The following ROBO1 variants were observed in gnomAD, a reference collection of about 807,000 sequenced individuals.
ROBO1 encodes the protein roundabout guidance receptor 1.
A neutral mutation model predicts 195.9 loss-of-function variants in ROBO1; 149 were observed. The ratio of observed to expected loss-of-function variants is 0.76; its 90% CI spans 0.67 to 0.87. The LOEUF is 0.87. ROBO1 is among the 40% of genes least tolerant of loss of function. The pLI is 0.00. For missense variants in ROBO1, 1,933 were observed against 2,068.3 expected, an observed-to-expected ratio of 0.93 and a Z score of 1.27; for synonymous variants, 816 against 733.2, an observed-to-expected ratio of 1.11 and a Z score of -1.82.
At position 78,717,762 on chromosome 3, in the gene ROBO1, C is replaced by T. The variant is rs1243462818; in HGVS notation, c.778+1G>A. 1.9e-6 allele frequency: 3 copies of T among 1,612,732 alleles called. No individual in the cohort carries two copies. The highest frequency in any genetic ancestry group is 1.3e-5 in the African/African-American group (1 of 74,826). ...AGAAGATTAAATAAAATTACACTTA[C>T]CTAAGACAGTCAGCTCGGCTACTTC... On this transcript the variant is annotated splice_donor_variant, in intron 6 of 30. Coordinates refer to ENST00000464233, the MANE Select transcript of ROBO1 (RefSeq NM_002941.4). LOFTEE classifies it high-confidence loss of function.
At chr3:78,994,534 T>C (rs973269491) in intron 3 of ROBO1, among the ~76,000 whole-genome samples, 7 of 152,170 alleles carry the variant, frequency 4.6e-5, no homozygotes, top group African/African-American at 1.4e-4. Flanking sequence ...ATCTCAGCAA[T>C]GTGAAACACG....
chr3:79,229,925 C>T (rs752538021), intron 2 of ROBO1, among the ~76,000 whole-genome samples: 5 of 152,016 alleles, frequency 3.3e-5, no homozygotes, highest in African/African-American at 9.7e-5. Context: ...AAAAAGTATA[C>T]CTTTGTCATA....
chr3:79,580,090 T>G (rs2107784966), intron 2 of ROBO1, among the ~76,000 whole-genome samples: 1 of 152,216 alleles, frequency 6.6e-6, no homozygotes, highest in East Asian at 1.9e-4. Context: ...TACAAGGAAT[T>G]CAGTCATTTG....
At chr3:78,836,726 A>G (rs1386919540) in intron 4 of ROBO1, among the ~76,000 whole-genome samples, 2 of 152,172 alleles carry the variant, frequency 1.3e-5, no homozygotes, top group South Asian at 4.1e-4. Context: ...AAAACATCAT[A>G]GTCTTCTAAA....
intron 2 of ROBO1, among the ~76,000 whole-genome samples, chr3:79,417,031 G>T (rs1394548504): frequency 2.0e-5 from 3 of 151,984 alleles, no homozygotes; most frequent in Admixed American, 2.0e-4. Flanking sequence ...TAAATACCTA[G>T]GTAAAAAAAT....
intron 2 of ROBO1, among the ~76,000 whole-genome samples, chr3:79,281,708 T>A (rs1255334252): frequency 6.6e-6 from 1 of 152,198 alleles, no homozygotes; most frequent in East Asian, 1.9e-4. Flanking sequence ...TTATTCAACT[T>A]TCCACAGTTG....
intron 1 of ROBO1, among the ~76,000 whole-genome samples, chr3:79,601,231 A>G (rs966208533): frequency 6.6e-6 from 1 of 152,022 alleles, no homozygotes; most frequent in Admixed American, 6.6e-5. Flanking sequence ...AGAGGCAGGA[A>G]GGAAAGAATC....
At chr3:79,159,915 T>C (rs2080925309) in intron 2 of ROBO1, among the ~76,000 whole-genome samples, 1 of 152,044 alleles carries the variant, frequency 6.6e-6, no homozygotes, top group Non-Finnish European at 1.5e-5. Flanking sequence ...AAACTGCTTC[T>C]TGTTGTACTT....
intron 3 of ROBO1, among the ~76,000 whole-genome samples, chr3:78,964,376 TG>T (rs2107860883): frequency 6.6e-6 from 1 of 152,142 alleles, no homozygotes; most frequent in African/African-American, 2.4e-5. Flanking sequence ...GTGTCTCAAA[TG>T]GGGTGTACAG....
At chr3:79,276,254 G>C (rs1293067223) in intron 2 of ROBO1, among the ~76,000 whole-genome samples, 1 of 151,944 alleles carries the variant, frequency 6.6e-6, no homozygotes, top group African/African-American at 2.4e-5. Context: ...AAAACAGCAT[G>C]TTACAGGCAT....
rs1575769423 is a variant in ROBO1 at position 78,610,020 on chromosome 3, A to T, written c.4436-2979T>A. Among the ~76,000 whole-genome samples, 3 of 152,272 alleles carry T rather than the reference A, an allele frequency of 2.0e-5. No individual in the cohort carries two copies. The Middle Eastern group carries it at 0.01, about 518-fold the overall frequency. Reference sequence around the variant, plus strand: ...GTACCTACCAGCTGTTTTACTTAGGAATGATTATAAGAAGTGATCACACTT... The same window carrying T: ...GTACCTACCAGCTGTTTTACTTAGGTATGATTATAAGAAGTGATCACACTT... On this transcript the variant is annotated intron_variant, in intron 28 of 30. Transcript: ENST00000464233.
intron 14 of ROBO1, among the ~76,000 whole-genome samples, chr3:78,665,754 A>G (rs1322475199): frequency 6.6e-6 from 1 of 152,138 alleles, no homozygotes; most frequent in Non-Finnish European, 1.5e-5. Flanking sequence ...TTTATAGGTG[A>G]GGAAACTCAG....
At chr3:79,117,248 T>C (rs1194164745) in intron 3 of ROBO1, among the ~76,000 whole-genome samples, 1 of 152,082 alleles carries the variant, frequency 6.6e-6, no homozygotes, top group African/African-American at 2.4e-5. Context: ...CACGCACCTG[T>C]AGTCCCAGCT....
At chr3:79,089,617 T>G (rs1011457072) in intron 3 of ROBO1, among the ~76,000 whole-genome samples, 1 of 152,150 alleles carries the variant, frequency 6.6e-6, no homozygotes, top group Non-Finnish European at 1.5e-5. Context: ...TCAGCCTGTT[T>G]ACCTAAAAAT....
intron 4 of ROBO1, among the ~76,000 whole-genome samples, chr3:78,909,261 C>G (rs2038105458): frequency 6.6e-6 from 1 of 151,536 alleles, no homozygotes; most frequent in Admixed American, 6.6e-5. Flanking sequence ...AAAAAATTCA[C>G]ATTAAATTTA....
At position 79,672,657 on chromosome 3, in the gene ROBO1, G is replaced by A. The variant is rs151075410; in HGVS notation, c.-50-82696C>T. 6.8e-4 allele frequency among the ~76,000 whole-genome samples: 104 copies of A among 151,872 alleles called. 1 individual carries two copies. In the East Asian group the frequency reaches 9.4e-3, roughly 14 times the overall value. On this transcript the variant is annotated intron_variant, in intron 1 of 30. Transcript: ENST00000464233. ...AGGATGCATTTTATTAATAGTTTCC[G>A]TAGTTGTTGGCTGTTGTATCTTTCA...
intron 1 of ROBO1, among the ~76,000 whole-genome samples, chr3:79,760,995 A>G (rs1276105678): frequency 6.6e-6 from 1 of 150,490 alleles, no homozygotes; most frequent in Non-Finnish European, 1.5e-5. Flanking sequence ...AAAAATACCT[A>G]TAAATGAGAG....
At chr3:79,032,112 A>G (rs373974227) in intron 3 of ROBO1, among the ~76,000 whole-genome samples, 156 of 151,772 alleles carry the variant, frequency 1.0e-3, no homozygotes, top group East Asian at 3.5e-3. Context: ...AAGGCTTAAG[A>G]GAGGGAAACA....
chr3:78,669,516 A>G (rs1033697338), intron 11 of ROBO1, among the ~76,000 whole-genome samples: 1 of 152,210 alleles, frequency 6.6e-6, no homozygotes, highest in African/African-American at 2.4e-5. Flanking sequence ...TCAAAACAAT[A>G]AAGTCCTGAA....
Sources: gnomAD v4.1 joint callset for allele counts (sites outside exome capture counted in the v4.1 genomes callset) on GRCh38, gnomAD v4.1.1 for gene constraint, MANE v1.5 for transcripts, NCBI Gene and HGNC (gene_info 2026-07-23, HGNC 2026-07-21) for gene names.